Variants in TRIM2 observed in about 807,000 individuals in gnomAD.
The protein encoded by TRIM2 is tripartite motif containing 2, also known as tripartite motif-containing protein 2.
In TRIM2, 20 loss-of-function variants were observed where a neutral mutation model predicts 75.2. That is an observed-to-expected ratio of 0.27 (90% CI 0.19 to 0.39). TRIM2 has a LOEUF of 0.39. Among genes scored for constraint, TRIM2 ranks in the 10% least tolerant of loss-of-function variants. The probability of loss-of-function intolerance (pLI) is 1.00; values close to 1 mark genes in which losing one functional copy is unlikely to be tolerated. For synonymous variants in TRIM2, 373 were observed against 388.3 expected (o/e 0.96, Z 0.46); for missense variants, 660 against 990.8 (o/e 0.67, Z 4.48).
At chr4:153,210,826 G>C (rs190225605) in intron 1 of TRIM2, among the ~76,000 whole-genome samples, 2 of 152,250 alleles carry the variant, frequency 1.3e-5, no homozygotes, top group East Asian at 3.9e-4. Flanking sequence ...AAAATGAAAA[G>C]ACCCCATAAG....
chr4:153,269,334 G>A (rs892402087), intron 1 of TRIM2, among the ~76,000 whole-genome samples: 1 of 152,194 alleles, frequency 6.6e-6, no homozygotes, highest in African/African-American at 2.4e-5. Flanking sequence ...GATAAGGTTT[G>A]TTTAGTAAGA....
chr4:153,295,623 T>C lies in TRIM2; in HGVS notation c.1097T>C (p.Ile366Thr). Reference protein sequence around the residue: ...VATGEGLRQTIIGQPMSVTIT... With the variant: ...VATGEGLRQTTIGQPMSVTIT... ...ACGGGCGAGGGGCTGCGGCAGACCA[T>C]CATCGGGCAGCCCATGTCCGTCACC... Residue 366 changes from isoleucine (I) to threonine (T), a missense_variant, in exon 6 of 12, where the codon ATC becomes ACC. Ile to Thr is a moderately conservative substitution (Grantham distance 89). Transcript: ENST00000338700. This position sits in a 1 kb window ranked among gnomAD's most constrained non-coding sequence, Gnocchi z 7.2. 2 of 1,613,718 alleles carry C rather than the reference T, an allele frequency of 1.2e-6. No individual in the cohort carries two copies. The highest frequency in any genetic ancestry group is 1.7e-6 in the Non-Finnish European group (2 of 1,179,964).
At chr4:153,274,531 T>A (rs183133762) in intron 2 of TRIM2, among the ~76,000 whole-genome samples, 6 of 152,348 alleles carry the variant, frequency 3.9e-5, no homozygotes, top group Admixed American at 1.3e-4. Context: ...ACAGGTCAGT[T>A]AATGAGGCTC....
At chr4:153,327,151 T>G (rs1196967904) in intron 10 of TRIM2, among the ~76,000 whole-genome samples, 1 of 152,068 alleles carries the variant, frequency 6.6e-6, no homozygotes, top group East Asian at 1.9e-4. Flanking sequence ...GAAAAAAAAT[T>G]TAAATATGGC....
Position 153,337,525 on chromosome 4 carries a change from T to C in TRIM2, c.*2559T>C. The stretch of plus-strand genomic sequence containing the variant: ...CACTATATTTTTTCCAAAAAATATG[T>C]GATTATATATGTTAAAGTATAGATA... On this transcript the variant is annotated 3_prime_UTR_variant, in exon 12 of 12. Coordinates refer to ENST00000338700, the MANE Select transcript of TRIM2 (RefSeq NM_015271.5). 1 of 985,732 alleles carries C rather than the reference T, an allele frequency of 1.0e-6. No individual in the cohort carries two copies. The highest frequency in any genetic ancestry group is 1.1e-4 in the East Asian group (1 of 8,814). The allele number at this position is 985,732 out of a possible 1,614,324, so 61.1% of individuals were successfully genotyped here.
chr4:153,277,494 T>G (rs1758294995), intron 3 of TRIM2, among the ~76,000 whole-genome samples: 1 of 152,214 alleles, frequency 6.6e-6, no homozygotes, highest in South Asian at 2.1e-4. Context: ...GACCTGTCAT[T>G]AGACCCCTAG....
At chr4:153,274,038 CAG>C (rs1295453234) in intron 2 of TRIM2, among the ~76,000 whole-genome samples, 5 of 152,156 alleles carry the variant, frequency 3.3e-5, no homozygotes, top group Non-Finnish European at 7.3e-5. Flanking sequence ...GGGGAAGAGA[CAG>C]AAAGTATGTA....
At chr4:153,210,681 A>G (rs1736741601) in intron 1 of TRIM2, among the ~76,000 whole-genome samples, 1 of 152,216 alleles carries the variant, frequency 6.6e-6, no homozygotes. Context: ...AACAGCAGCA[A>G]TCAGTGATTT....
intron 1 of TRIM2, among the ~76,000 whole-genome samples, chr4:153,247,045 G>A (rs1404538144): frequency 1.3e-5 from 2 of 152,194 alleles, no homozygotes; most frequent in Non-Finnish European, 2.9e-5. Flanking sequence ...GGGCAAAACT[G>A]ACGCTGGAAG....
In TRIM2 at chr4:153,295,038, T is replaced by G. The variant is rs1762500020; in HGVS notation, c.787-275T>G. Among the ~76,000 whole-genome samples the G allele has an allele frequency of 6.6e-6, 1 of 152,242 alleles. No individual in the cohort carries two copies. The highest frequency in any genetic ancestry group is 6.5e-5 in the Admixed American group (1 of 15,290). On this transcript the variant is annotated intron_variant, in intron 5 of 11. Transcript: ENST00000338700. The surrounding 1 kb of genome is among the most constrained non-coding windows in gnomAD (Gnocchi z 7.2). The stretch of plus-strand genomic sequence containing the variant: ...AGCAATTAATTTGCTATGCTCTTGG[T>G]AGTGACCTTTCTGTTTTCCCCTCTC...
intron 1 of TRIM2, among the ~76,000 whole-genome samples, chr4:153,230,470 A>G (rs1743326463): frequency 6.6e-6 from 1 of 152,220 alleles, no homozygotes; most frequent in East Asian, 1.9e-4. Context: ...GGCATGAGCC[A>G]CTGCACCCAG....
intron 3 of TRIM2, 112 bp downstream of exon 3, chr4:153,276,242 C>A: frequency 1.1e-6 from 1 of 905,526 alleles, no homozygotes; most frequent in Non-Finnish European, 1.7e-6. Context: ...GTGGAAAAAT[C>A]AGTAATTAAA....
intron 1 of TRIM2, among the ~76,000 whole-genome samples, chr4:153,237,197 T>C (rs1745256106): frequency 6.6e-6 from 1 of 152,172 alleles, no homozygotes; most frequent in Non-Finnish European, 1.5e-5. Flanking sequence ...TAAATATATT[T>C]CTTCTACATG....
At chr4:153,213,805 T>G (rs1247298337) in intron 1 of TRIM2, among the ~76,000 whole-genome samples, 1 of 152,156 alleles carries the variant, frequency 6.6e-6, no homozygotes, top group Non-Finnish European at 1.5e-5. Flanking sequence ...GGATTACAGG[T>G]GTGAACCACT....
chr4:153,244,528 T>TGAGATTG (rs1748578325), intron 1 of TRIM2, among the ~76,000 whole-genome samples: 1 of 114,284 alleles, frequency 8.8e-6, no homozygotes, highest in Non-Finnish European at 2.2e-5. Context: ...CCAAAGTAGC[T>TGAGATTG]GAGATTACTG....
At chr4:153,250,734 T>C (rs976025142) in intron 1 of TRIM2, among the ~76,000 whole-genome samples, 1 of 152,188 alleles carries the variant, frequency 6.6e-6, no homozygotes, top group African/African-American at 2.4e-5. Flanking sequence ...TGTCTTCAGT[T>C]TGGGGCAGCT....
At chr4:153,320,701 T>G in intron 8 of TRIM2, among the ~76,000 whole-genome samples, 1 of 152,254 alleles carries the variant, frequency 6.6e-6, no homozygotes, top group Admixed American at 6.5e-5. Context: ...GGCGCGACCT[T>G]GGCTAACTGC....
chr4:153,285,495 A>G (rs1437448693), intron 3 of TRIM2, among the ~76,000 whole-genome samples: 4 of 151,986 alleles, frequency 2.6e-5, no homozygotes, highest in African/African-American at 9.7e-5. Flanking sequence ...TAATATTGTA[A>G]ATGGATTTTT....
intron 3 of TRIM2, among the ~76,000 whole-genome samples, chr4:153,276,660 G>A (rs1340055657): frequency 6.6e-6 from 1 of 152,178 alleles, no homozygotes; most frequent in Non-Finnish European, 1.5e-5. Context: ...AAGCTCAGGA[G>A]GACCTGTGGG....
Sources: gnomAD v4.1 joint callset for allele counts (sites outside exome capture counted in the v4.1 genomes callset) on GRCh38, gnomAD v4.1.1 for gene constraint, Gnocchi (gnomAD v3.1) non-coding constraint, MANE v1.5 for transcripts, NCBI Gene and HGNC (gene_info 2026-07-23, HGNC 2026-07-21) for gene names.